The following REC114 variants were observed in gnomAD, a reference collection of about 807,000 sequenced individuals.
The protein encoded by REC114 is meiotic recombination protein REC114.
In REC114, 27 loss-of-function variants were observed where a neutral mutation model predicts 31.3. The observed-to-expected ratio is 0.86, with a 90% CI of 0.64 to 1.19. The LOEUF is 1.19. REC114 is among the 50% of genes most tolerant of loss of function. The pLI, the probability that REC114 is intolerant of heterozygous loss-of-function variation, is 0.00. For missense variants in REC114, 344 were observed against 326.9 expected (o/e 1.05, Z -0.40); for synonymous variants, 134 against 127.7 (o/e 1.05, Z -0.33).
At chr15:73,484,304 A>AT (rs1295441129) in intron 2 of REC114, among the ~76,000 whole-genome samples, 1 of 152,020 alleles carries the variant, frequency 6.6e-6, no homozygotes, top group East Asian at 1.9e-4. Flanking sequence ...GCTCTGTGCC[A>AT]TGCTGTGCCC....
intron 2 of REC114, among the ~76,000 whole-genome samples, chr15:73,482,520 C>A (rs1893310043): frequency 6.6e-6 from 1 of 152,158 alleles, no homozygotes; most frequent in Admixed American, 6.5e-5. Flanking sequence ...AACCTCTTTT[C>A]TTCATAAATT....
In REC114 at chr15:73,443,307, G is replaced by A; in HGVS notation, c.122G>A (p.Cys41Tyr). The A allele has an allele frequency of 6.3e-7, 1 of 1,582,960 alleles. No homozygotes were observed. The highest frequency in any genetic ancestry group is 8.6e-7 in the Non-Finnish European group (1 of 1,165,562). The change falls in exon 1 of 6, where the codon TGC becomes TAC. Residue 41 changes from cysteine (C) to tyrosine (Y), a missense_variant. Physicochemically the swap from Cys to Tyr is radical, Grantham distance 194. Coordinates refer to ENST00000331090, the MANE Select transcript of REC114 (RefSeq NM_001042367.2). ...AACACCAGAGACCCACCTGGGCCATGCCTGGAAGCTGGGACAGCCCCCTGC... is the reference window on the plus strand; with the variant it reads ...AACACCAGAGACCCACCTGGGCCATACCTGGAAGCTGGGACAGCCCCCTGC... ...PSNTRDPPGP[C>Y]LEAGTAPCPT...
chr15:73,461,331 C>T (rs1180674238), intron 1 of REC114, among the ~76,000 whole-genome samples: 1 of 152,066 alleles, frequency 6.6e-6, no homozygotes, highest in Non-Finnish European at 1.5e-5. Flanking sequence ...TGATAGCCTA[C>T]TTAGCAATTT....
rs1452979237 is a variant in REC114 at position 73,505,625 on chromosome 15, G to A, written c.249+31704G>A. Among the ~76,000 whole-genome samples the A allele has an allele frequency of 2.6e-5, 4 of 152,130 alleles. No homozygotes were observed. The East Asian group carries it at 7.8e-4, about 30-fold the overall frequency. On this transcript the variant is annotated intron_variant, in intron 2 of 5. Transcript: ENST00000331090. ...CCGCTCACTGCAAGCTCTGCCTCCT[G>A]GGTTCACGCCATTCTCCTGCCTCAG... is the stretch of plus-strand genomic sequence containing the variant.
intron 3 of REC114, among the ~76,000 whole-genome samples, chr15:73,549,846 T>C (rs1894363721): frequency 6.6e-6 from 1 of 152,232 alleles, no homozygotes; most frequent in South Asian, 2.1e-4. Context: ...TACCATTATC[T>C]CAGCCATGCC....
intron 1 of REC114, among the ~76,000 whole-genome samples, chr15:73,469,979 A>G (rs528222886): frequency 6.6e-6 from 1 of 151,802 alleles, no homozygotes; most frequent in South Asian, 2.1e-4. Context: ...CTTGGTATAT[A>G]TTTTTTCTAT....
At chr15:73,462,817 G>A (rs542853239) in intron 1 of REC114, among the ~76,000 whole-genome samples, 15 of 149,646 alleles carry the variant, frequency 1.0e-4, no homozygotes, top group South Asian at 6.3e-4. Context: ...CCTGGGAGGC[G>A]GAGCTTGCCC....
At chr15:73,558,990 T>TCAA (rs1894523912) in intron 5 of REC114, among the ~76,000 whole-genome samples, 1 of 152,236 alleles carries the variant, frequency 6.6e-6, no homozygotes. Flanking sequence ...ACTGCTATAC[T>TCAA]CAACATCATG....
At chr15:73,469,252 C>T (rs1426118595) in intron 1 of REC114, among the ~76,000 whole-genome samples, 2 of 152,258 alleles carry the variant, frequency 1.3e-5, no homozygotes, top group African/African-American at 4.8e-5. Context: ...ACAGTTCTAT[C>T]ACTTACTGCT....
Position 73,500,735 on chromosome 15 carries a change from T to G in REC114, c.249+26814T>G, listed in dbSNP as rs573087673. On this transcript the variant is annotated intron_variant, in intron 2 of 5. Transcript: ENST00000331090. ...CTGTTCTCTTCAATTATTGTTTTTT[T>G]TTTTTTTTTTTCACTGCTGGTAACA... Among the ~76,000 whole-genome samples, 13 of 151,420 alleles carry G rather than the reference T, an allele frequency of 8.6e-5. No individual in the cohort carries two copies. The South Asian group carries it at 1.9e-3, about 22-fold the overall frequency.
chr15:73,508,541 C>T (rs1393544884), intron 2 of REC114, among the ~76,000 whole-genome samples: 1 of 148,936 alleles, frequency 6.7e-6, no homozygotes, highest in Non-Finnish European at 1.5e-5. Context: ...TGAGCTGCAC[C>T]CACTAACTCG....
intron 3 of REC114, 49 bp from the exon 4 acceptor site, chr15:73,550,889 T>C (rs759093761): frequency 4.5e-6 from 7 of 1,562,812 alleles, no homozygotes; most frequent in African/African-American, 1.4e-5. Flanking sequence ...CCAAAGTAAA[T>C]AGTTATATGA....
At chr15:73,481,171 T>A (rs944499093) in intron 2 of REC114, among the ~76,000 whole-genome samples, 16 of 152,170 alleles carry the variant, frequency 1.1e-4, no homozygotes, top group African/African-American at 3.9e-4. Context: ...GTGTGATATG[T>A]TTATGTAAAA....
intron 1 of REC114, among the ~76,000 whole-genome samples, chr15:73,469,963 C>G (rs1429924797): frequency 6.6e-6 from 1 of 152,106 alleles, no homozygotes; most frequent in East Asian, 1.9e-4. Flanking sequence ...TTTTGACTAG[C>G]ATTAGCTTGG....
rs978856610 is a variant in REC114, at chr15:73,443,164, A to G, written c.-22A>G. The G allele has an allele frequency of 3.9e-6, 6 of 1,536,916 alleles. No individual in the cohort carries two copies. The Admixed American group carries it at 1.2e-4, about 31-fold the overall frequency. On this transcript the variant is annotated 5_prime_UTR_variant, in exon 1 of 6. Coordinates refer to ENST00000331090, the MANE Select transcript of REC114 (RefSeq NM_001042367.2). ...GCCAGATTGGCAGGTCCCCGCCGGC[A>G]GTGCGTGTGGTGAGGCAGGACATGG... is the stretch of plus-strand genomic sequence containing the variant.
intron 5 of REC114, among the ~76,000 whole-genome samples, chr15:73,559,014 T>C (rs1221310322): frequency 6.6e-6 from 1 of 152,236 alleles, no homozygotes; most frequent in Non-Finnish European, 1.5e-5. Flanking sequence ...TAATCCCAAA[T>C]GTATTCATTA....
chr15:73,483,817 G>A (rs2141298471), intron 2 of REC114: 1 of 152,504 alleles, frequency 6.6e-6, no homozygotes, highest in Non-Finnish European at 1.5e-5. Context: ...CAGCCTGGAG[G>A]AGGAGACTGC....
intron 2 of REC114, among the ~76,000 whole-genome samples, chr15:73,508,536 T>A (rs1285094426): frequency 6.6e-6 from 1 of 150,532 alleles, no homozygotes; most frequent in Non-Finnish European, 1.5e-5. Context: ...GCTGGTGAGC[T>A]GCACCCACTA....
intron 2 of REC114, among the ~76,000 whole-genome samples, chr15:73,535,033 AATG>A (rs1894135575): frequency 7.1e-6 from 1 of 141,244 alleles, no homozygotes; most frequent in Admixed American, 7.1e-5. Context: ...CGTATTTCAA[AATG>A]ATAAGAGCTA....
Sources: allele counts gnomAD v4.1 joint callset (sites outside exome capture counted in the v4.1 genomes callset), GRCh38; gene constraint gnomAD v4.1.1; transcripts MANE v1.5; gene names NCBI Gene and HGNC (gene_info 2026-07-23, HGNC 2026-07-21).